Variants in SNCAIP observed in about 807,000 individuals in gnomAD.
The protein encoded by SNCAIP is synuclein alpha interacting protein.
SNCAIP carries 43 observed loss-of-function variants against 86.7 expected under a neutral mutation model. That is an observed-to-expected ratio of 0.50 (90% confidence interval 0.39 to 0.64). The LOEUF (loss-of-function observed/expected upper bound fraction) is 0.64. Among genes scored for constraint, SNCAIP ranks in the 30% least tolerant of loss-of-function variants. The probability of loss-of-function intolerance (pLI) is 0.00; values close to 1 mark genes in which losing one functional copy is unlikely to be tolerated. For missense variants in SNCAIP, 981 were observed against 1,103.1 expected (o/e 0.89, Z 1.57); for synonymous variants, 417 against 427.2 (o/e 0.98, Z 0.29).
chr5:122,444,979 G>A (rs116604659), intron 8 of SNCAIP: 7,564 of 523,690 alleles, frequency 0.014, 83 homozygotes, highest in Middle Eastern at 0.029. Context: ...GGGAATTTAA[G>A]CCAGTGGACA....
At chr5:122,390,881 T>G (rs1446948603) in intron 1 of SNCAIP, among the ~76,000 whole-genome samples, 2 of 152,142 alleles carry the variant, frequency 1.3e-5, no homozygotes, top group Non-Finnish European at 1.5e-5. Flanking sequence ...GAGTGCCCAC[T>G]GGGGAGCCAC....
chr5:122,399,455 C>T (rs1391940918), intron 2 of SNCAIP, among the ~76,000 whole-genome samples: 1 of 152,034 alleles, frequency 6.6e-6, no homozygotes, highest in Non-Finnish European at 1.5e-5. Context: ...AAGCCATCAG[C>T]CATTACTCAT....
At chr5:122,418,508 A>C (rs775902623) in intron 3 of SNCAIP, among the ~76,000 whole-genome samples, 5 of 152,250 alleles carry the variant, frequency 3.3e-5, no homozygotes, top group Non-Finnish European at 7.3e-5. Context: ...ATTCAAGTTC[A>C]TCATTAAAAT....
Position 122,450,831 on chromosome 5 carries a change from C to T in SNCAIP, c.1984C>T (p.Leu662=). Residue 662 remains leucine (L), a synonymous_variant, in exon 10 of 11, where the codon CTG becomes TTG. Transcript: ENST00000261368. The stretch of plus-strand genomic sequence containing the variant: ...AAAGATCCCACTGGAGAAGAGGGAA[C>T]TGAAGTTAGCCAGGCTGAGACAGCT... ...SKKIPLEKRE[L]KLARLRQLMQ... 1 of 1,614,134 alleles carries T rather than the reference C, an allele frequency of 6.2e-7. No homozygotes were observed. Among genetic ancestry groups the T allele is most frequent in the South Asian group, 1.1e-5 (1 of 91,076 alleles).
chr5:122,347,472 G>A, intron 1 of SNCAIP, among the ~76,000 whole-genome samples: 1 of 150,750 alleles, frequency 6.6e-6, no homozygotes. Flanking sequence ...TAGTGTGTGA[G>A]TGTTTTTCTA....
chr5:122,405,963 G>A (rs544849292), intron 3 of SNCAIP, among the ~76,000 whole-genome samples: 3 of 152,264 alleles, frequency 2.0e-5, no homozygotes, highest in Non-Finnish European at 2.9e-5. Flanking sequence ...AAGGTAATCA[G>A]TAATCAGACC....
rs113131435 is a variant in SNCAIP, at chr5:122,333,152, T to C, written c.-47+20868T>C. On this transcript the variant is annotated intron_variant, in intron 1 of 10. Coordinates refer to ENST00000261368, the MANE Select transcript of SNCAIP (RefSeq NM_005460.4). ...AATGTGGCACAAAAGGGCATGTGTT[T>C]CTGTAATTGTAAAATGAGCTTCCCA... 8.6e-3 allele frequency among the ~76,000 whole-genome samples: 1,303 copies of C among 152,360 alleles called. 12 individuals carry two copies. Among genetic ancestry groups the C allele is most frequent in the African/African-American group, 0.029 (1,211 of 41,584 alleles).
chr5:122,419,602 A>C (rs1775978593), intron 3 of SNCAIP, among the ~76,000 whole-genome samples: 1 of 152,204 alleles, frequency 6.6e-6, no homozygotes, highest in African/African-American at 2.4e-5. Flanking sequence ...TCTTTAAGGG[A>C]TAGAGAGATA....
intron 1 of SNCAIP, among the ~76,000 whole-genome samples, chr5:122,344,348 A>T (rs1211611492): frequency 6.6e-6 from 1 of 152,322 alleles, no homozygotes; most frequent in Admixed American, 6.5e-5. Flanking sequence ...AGTTGAAATA[A>T]TTTTTATTGA....
At chr5:122,403,367 G>A (rs533195296) in intron 2 of SNCAIP, among the ~76,000 whole-genome samples, 13 of 152,232 alleles carry the variant, frequency 8.5e-5, no homozygotes, top group African/African-American at 2.2e-4. Flanking sequence ...TGACTGCCCC[G>A]GATGCTGCAG....
chr5:122,366,290 G>T (rs921598408), intron 1 of SNCAIP, among the ~76,000 whole-genome samples: 3 of 152,230 alleles, frequency 2.0e-5, no homozygotes, highest in Non-Finnish European at 4.4e-5. Flanking sequence ...ATGTTCAGCT[G>T]CTGAACAGTT....
intron 10 of SNCAIP, chr5:122,452,817 C>T: frequency 2.8e-6 from 2 of 715,524 alleles, no homozygotes; most frequent in East Asian, 2.7e-5. Flanking sequence ...TACTAAGCCA[C>T]TGTCCTCTAA....
intron 1 of SNCAIP, among the ~76,000 whole-genome samples, chr5:122,352,847 C>G (rs905939031): frequency 6.6e-6 from 1 of 152,106 alleles, no homozygotes; most frequent in African/African-American, 2.4e-5. Flanking sequence ...CTCATCTCTA[C>G]AAGAAACTTG....
chr5:122,432,111 C>T, intron 6 of SNCAIP, 29 bp downstream of exon 6: 1 of 897,922 alleles, frequency 1.1e-6, no homozygotes, highest in Middle Eastern at 2.2e-4. Context: ...AGTATCTTCC[C>T]TTTGTGTACC....
At chr5:122,352,486 C>T (rs1416803495) in intron 1 of SNCAIP, among the ~76,000 whole-genome samples, 3 of 152,136 alleles carry the variant, frequency 2.0e-5, no homozygotes, top group African/African-American at 7.2e-5. Flanking sequence ...AAGAATCAGC[C>T]TCCTTAATCC....
rs192172547 is a variant in SNCAIP at position 122,342,737 on chromosome 5, T to G, written c.-47+30453T>G. ...GTCCTAAACACAGCCCTGTGTCCCCTGCACCAGCTATCTGCCTCACTCACC... is the reference window on the plus strand; with the variant it reads ...GTCCTAAACACAGCCCTGTGTCCCCGGCACCAGCTATCTGCCTCACTCACC... On this transcript the variant is annotated intron_variant, in intron 1 of 10. Transcript: ENST00000261368. Among the ~76,000 whole-genome samples, 233 of 152,324 alleles carry G rather than the reference T, an allele frequency of 1.5e-3. 2 individuals are homozygous for G. The highest frequency in any genetic ancestry group is 5.5e-3 in the African/African-American group (230 of 41,576).
At chr5:122,375,612 C>G (rs1298150245) in intron 1 of SNCAIP, among the ~76,000 whole-genome samples, 1 of 151,616 alleles carries the variant, frequency 6.6e-6, no homozygotes, top group African/African-American at 2.4e-5. Context: ...ACCTCATTAA[C>G]AGAAGACACT....
chr5:122,355,656 A>T (rs1185290563), intron 1 of SNCAIP, among the ~76,000 whole-genome samples: 1 of 152,228 alleles, frequency 6.6e-6, no homozygotes, highest in Admixed American at 6.5e-5. Flanking sequence ...TAAGATCCTG[A>T]TACCATGGAA....
At chr5:122,394,911 A>G (rs115143795) in intron 2 of SNCAIP, among the ~76,000 whole-genome samples, 6,585 of 152,262 alleles carry the variant, frequency 0.043, 225 homozygotes, top group Non-Finnish European at 0.067. Flanking sequence ...CTTTTGGCAG[A>G]TGAGAAAATT....
Sources: allele counts gnomAD v4.1 joint callset (sites outside exome capture counted in the v4.1 genomes callset), GRCh38; gene constraint gnomAD v4.1.1; transcripts MANE v1.5; gene names NCBI Gene and HGNC (gene_info 2026-07-23, HGNC 2026-07-21).